Variants in DLGAP2 observed in about 807,000 individuals in gnomAD.
DLGAP2 encodes DLG associated protein 2.
Under a neutral mutation model 100.3 loss-of-function variants are expected in DLGAP2, and 26 were observed. That is an observed-to-expected ratio of 0.26 (90% CI 0.19 to 0.36). The LOEUF (loss-of-function observed/expected upper bound fraction) is 0.36. DLGAP2 is among the 10% of genes least tolerant of loss of function. The pLI is 1.00. For missense variants in DLGAP2, 1,858 were observed against 1,453.2 expected (o/e 1.28, Z -4.53); for synonymous variants, 886 against 630.1 (o/e 1.41, Z -6.08).
intron 2 of DLGAP2, among the ~76,000 whole-genome samples, chr8:1,172,777 A>G (rs1415319811): frequency 6.6e-6 from 1 of 152,010 alleles, no homozygotes. Context: ...TTCTAGTTAT[A>G]CATTCTTCTA....
chr8:1,028,531 G>A (rs560176166), intron 2 of DLGAP2, among the ~76,000 whole-genome samples: 6 of 152,074 alleles, frequency 3.9e-5, no homozygotes, highest in Non-Finnish European at 5.9e-5. Context: ...CCAGGCACCC[G>A]TTATTCTCCA....
intron 2 of DLGAP2, among the ~76,000 whole-genome samples, chr8:1,158,717 G>T (rs978777756): frequency 1.3e-5 from 2 of 152,226 alleles, no homozygotes; most frequent in African/African-American, 4.8e-5. Flanking sequence ...TGTGGGCTGC[G>T]CACCCAGAGC....
At chr8:1,407,276 A>C (rs1418572812) in intron 3 of DLGAP2, among the ~76,000 whole-genome samples, 39 of 7,140 alleles carry the variant, frequency 5.5e-3, no homozygotes, top group African/African-American at 0.011. Context: ...ACTGAGCGCC[A>C]CCTCCTCATC....
intron 1 of DLGAP2, among the ~76,000 whole-genome samples, chr8:889,944 A>G (rs564211196): frequency 1.3e-5 from 2 of 152,200 alleles, no homozygotes; most frequent in South Asian, 4.2e-4. Context: ...TGGGAAAAGC[A>G]AAGTTTCCCC....
intron 4 of DLGAP2, among the ~76,000 whole-genome samples, chr8:1,520,744 T>C (rs1315499323): frequency 9.2e-5 from 14 of 152,230 alleles, no homozygotes. Flanking sequence ...TTCCACTGCC[T>C]GATGTAACGG....
In DLGAP2 at chr8:955,595, A is replaced by G. The variant is rs921748591; in HGVS notation, c.73+47629A>G. ...TGCACACGGATGTTACTCATTTATA[A>G]TACGTGGGATCTACTACTTGGAGTG... On this transcript the variant is annotated intron_variant, in intron 2 of 14. Transcript: ENST00000637795. Among the ~76,000 whole-genome samples, 53 of 152,046 alleles carry G rather than the reference A, an allele frequency of 3.5e-4. 1 individual carries two copies. The highest frequency in any genetic ancestry group is 3.5e-3 in the Admixed American group (53 of 15,274).
intron 1 of DLGAP2, among the ~76,000 whole-genome samples, chr8:901,927 G>A (rs1230042290): frequency 1.3e-5 from 2 of 152,190 alleles, no homozygotes; most frequent in African/African-American, 2.4e-5. Context: ...TGGATCCTCC[G>A]GGATGGGCAG....
chr8:1,423,249 C>G (rs1429484877), intron 3 of DLGAP2, among the ~76,000 whole-genome samples: 1 of 138,292 alleles, frequency 7.2e-6, no homozygotes, highest in Non-Finnish European at 1.6e-5. Flanking sequence ...GCTCAGAACT[C>G]TACTTAGTCA....
At chr8:813,888 A>C (rs367726909) in intron 1 of DLGAP2, among the ~76,000 whole-genome samples, 3 of 152,184 alleles carry the variant, frequency 2.0e-5, no homozygotes, top group South Asian at 4.2e-4. Context: ...GGGGCCCCAG[A>C]AGCAGGACTC....
At chr8:1,580,781 A>C (rs6989106) in intron 6 of DLGAP2, among the ~76,000 whole-genome samples, 45 of 51,508 alleles carry the variant, frequency 8.7e-4, no homozygotes, top group Middle Eastern at 6.3e-3. Flanking sequence ...TACAGACAAA[A>C]CCCCACACAT....
At chr8:1,146,633 G>T (rs551421993) in intron 2 of DLGAP2, among the ~76,000 whole-genome samples, 2 of 152,136 alleles carry the variant, frequency 1.3e-5, no homozygotes, top group African/African-American at 4.8e-5. Context: ...GCATGCATGT[G>T]TGTGCATGTG....
intron 5 of DLGAP2, among the ~76,000 whole-genome samples, chr8:1,551,036 C>G (rs941641029): frequency 6.6e-6 from 1 of 152,334 alleles, no homozygotes; most frequent in Admixed American, 6.5e-5. Flanking sequence ...GTCGTGGTGG[C>G]AAATCCTTCC....
intron 2 of DLGAP2, among the ~76,000 whole-genome samples, chr8:1,031,332 G>A (rs1036502505): frequency 9.2e-5 from 14 of 152,166 alleles, no homozygotes; most frequent in African/African-American, 2.9e-4. Context: ...TGTGCTAGAA[G>A]CATGTTAGTT....
At chr8:1,100,507 G>GGTGTGTGTGT (rs112136851) in intron 2 of DLGAP2, among the ~76,000 whole-genome samples, 16,446 of 151,114 alleles carry the variant, frequency 0.11, 946 homozygotes, top group East Asian at 0.22. Flanking sequence ...TAGAGTTTGT[G>GGTGTGTGTGT]GTGTGTGTGT....
At chr8:1,582,313 TA>T (rs200930388) in intron 6 of DLGAP2, among the ~76,000 whole-genome samples, 41,206 of 96,704 alleles carry the variant, frequency 0.43, 9,095 homozygotes, top group East Asian at 0.49. Flanking sequence ...GATAAAACCT[TA>T]AAAAAAAAAA....
chr8:1,492,237 C>T (rs1159349437), intron 3 of DLGAP2, among the ~76,000 whole-genome samples: 3 of 152,146 alleles, frequency 2.0e-5, no homozygotes, highest in Non-Finnish European at 2.9e-5. Context: ...AGTGGCTGAG[C>T]GCGGCTGGTG....
At chr8:1,344,090 G>T (rs74489429) in intron 3 of DLGAP2, among the ~76,000 whole-genome samples, 1 of 73,182 alleles carries the variant, frequency 1.4e-5, no homozygotes, top group East Asian at 7.1e-4. Context: ...TGTCGTACTC[G>T]GGGCCCTGTC....
chr8:998,928 C>G (rs750532335), intron 2 of DLGAP2, among the ~76,000 whole-genome samples: 1 of 152,106 alleles, frequency 6.6e-6, no homozygotes, highest in African/African-American at 2.4e-5. Context: ...ATGTGTGAAG[C>G]CACAGCTGCT....
At chr8:849,572 T>A (rs995958160) in intron 1 of DLGAP2, among the ~76,000 whole-genome samples, 3 of 152,196 alleles carry the variant, frequency 2.0e-5, no homozygotes, top group African/African-American at 7.2e-5. Flanking sequence ...CTACCAGCCT[T>A]GCCCGAAGGT....
Sources: allele counts gnomAD v4.1 joint callset (sites outside exome capture counted in the v4.1 genomes callset), GRCh38; gene constraint gnomAD v4.1.1; transcripts MANE v1.5; gene names NCBI Gene and HGNC (gene_info 2026-07-23, HGNC 2026-07-21).